Variants in TMC4 observed in about 807,000 individuals in gnomAD.
TMC4 encodes voltage-gated chloride channel TMC4.
Under a neutral mutation model 82.0 loss-of-function variants are expected in TMC4, and 70 were observed. The ratio of observed to expected loss-of-function variants is 0.85; its 90% CI spans 0.70 to 1.04. The LOEUF (loss-of-function observed/expected upper bound fraction) is 1.04. TMC4 is among the 50% of genes least tolerant of loss of function. The pLI is 0.00. For synonymous variants in TMC4, 446 were observed against 406.0 expected (o/e 1.10, Z -1.18); for missense variants, 879 against 899.0 (o/e 0.98, Z 0.28).
chr19:54,172,426 C>CCCCTCCTCCCTCA (rs2075925085), intron 1 of TMC4, among the ~76,000 whole-genome samples: 1 of 76,422 alleles, frequency 1.3e-5, no homozygotes. Context: ...AGGCCCCCGG[C>CCCCTCCTCCCTCA]GCCTCCTCCC....
intron 2 of TMC4, among the ~76,000 whole-genome samples, chr19:54,170,915 A>G (rs116203293): frequency 6.6e-6 from 1 of 151,984 alleles, no homozygotes; most frequent in Non-Finnish European, 1.5e-5. Context: ...TACTTTGATT[A>G]TTACTTTTAA....
Position 54,160,374 on chromosome 19 carries a change from C to T in TMC4, c.2053G>A (p.Glu685Lys). Reference sequence around the variant, plus strand: ...GCCAGGAAGACTTTATTCTGCGCCTCCTGGGGCAAAGAGAGGTGGAGGTGA... The same window carrying T: ...GCCAGGAAGACTTTATTCTGCGCCTTCTGGGGCAAAGAGAGGTGGAGGTGA... Reference protein sequence around the residue: ...ISELKRQRETEAQNKVFLARR... With the variant: ...ISELKRQRETKAQNKVFLARR... Residue 685 changes from glutamate to lysine, a missense_variant and splice_region_variant, in exon 15 of 15, where the codon GAG (glutamate) becomes AAG (lysine). By Grantham distance (56) the Glu-to-Lys change is moderately conservative. Coordinates refer to ENST00000619895, the MANE Select transcript of TMC4 (RefSeq NM_144686.4). The T allele has an allele frequency of 6.5e-7, 1 of 1,543,908 alleles. No individual in the cohort carries two copies. Among genetic ancestry groups the T allele is most frequent in the Middle Eastern group, 1.8e-4 (1 of 5,616 alleles).
intron 5 of TMC4, among the ~76,000 whole-genome samples, chr19:54,166,809 C>T (rs540525091): frequency 5.9e-5 from 9 of 152,196 alleles, no homozygotes; most frequent in East Asian, 5.8e-4. Flanking sequence ...CAAAATTAGC[C>T]GGGCATGGTG....
At position 54,160,992 on chromosome 19, in the gene TMC4, G is replaced by A. The variant is rs763904005; in HGVS notation, c.1859C>T (p.Ser620Leu). ...SKLCGPFRGQ[S>L]SIWAQIPESI... ...CTCAGGGATCTGGGCCCAGATGGAC[G>A]ACTGCCCCCGGAATGGACCACACAG... The change falls in exon 13 of 15, where the codon TCG becomes TTG. Residue 620 changes from serine to leucine, a missense_variant. Coordinates refer to ENST00000619895, the MANE Select transcript of TMC4 (RefSeq NM_144686.4). 13 of 1,614,168 alleles carry A rather than the reference G, an allele frequency of 8.1e-6. No individual in the cohort carries two copies. Among genetic ancestry groups the A allele is most frequent in the South Asian group, 1.1e-5 (1 of 91,076 alleles).
intron 5 of TMC4, 32 bp downstream of exon 5, chr19:54,168,139 C>T (rs2075749036): frequency 3.2e-6 from 5 of 1,586,058 alleles, no homozygotes; most frequent in East Asian, 4.6e-5. Context: ...CAACCCGTCC[C>T]GTCAGGGGTC....
chr19:54,162,126 G>A lies in TMC4; in HGVS notation c.1662C>T (p.Phe554=), dbSNP rs1410735774. ...PLLPLLNTVK[F]LLLFYLKKLT... ...CCTTCTTCAGGTAGAAAAGCAGCAG[G>A]AACTTGACCGTGTTAAGCAGGGGCA... The change falls in exon 11 of 15, where the codon TTC becomes TTT. Residue 554 remains phenylalanine (F), a synonymous_variant. Transcript: ENST00000619895. The A allele has an allele frequency of 6.2e-7, 1 of 1,613,336 alleles. No homozygotes were observed. Among genetic ancestry groups the A allele is most frequent in the Admixed American group, 1.7e-5 (1 of 59,872 alleles).
intron 2 of TMC4, among the ~76,000 whole-genome samples, chr19:54,171,083 G>T (rs570495609): frequency 5.5e-5 from 2 of 36,382 alleles, no homozygotes; most frequent in African/African-American, 2.5e-4. Flanking sequence ...ATATATATGT[G>T]TATATATATA....
At chr19:54,162,957 C>A in intron 9 of TMC4, 76 bp downstream of exon 9, 1 of 1,608,380 alleles carries the variant, frequency 6.2e-7, no homozygotes, top group Non-Finnish European at 8.5e-7. Flanking sequence ...CCGCCCAAAC[C>A]AAGAGTCTGG....
At position 54,168,616 on chromosome 19, in the gene TMC4, C is replaced by T. The variant is rs139063746; in HGVS notation, c.507G>A (p.Val169=). 10,805 of 1,595,748 alleles carry T rather than the reference C, an allele frequency of 6.8e-3. 49 individuals carry two copies. The highest frequency in any genetic ancestry group is 7.3e-3 in the Non-Finnish European group (8,527 of 1,171,482). ...TGCAGGCCATGAGCACAGAGGCCAG[C>T]ACGTTAAGAAGGAGCAGGAAGCGCA... ...SLLRFLLLLN[V]LASVLMACMT... is the part of the protein sequence containing the mutation. The change falls in exon 4 of 15, where the codon GTG becomes GTA. Residue 169 remains valine, a synonymous_variant. Coordinates refer to ENST00000619895, the MANE Select transcript of TMC4 (RefSeq NM_144686.4).
Position 54,165,448 on chromosome 19 carries a change from G to A in TMC4, c.916C>T (p.Arg306Cys), listed in dbSNP as rs1384888041. Residue 306 changes from arginine to cysteine, a missense_variant, in exon 6 of 15, where the codon CGC (arginine) becomes TGC (cysteine). Physicochemically the swap from Arg to Cys is radical, Grantham distance 180. Coordinates refer to ENST00000619895, the MANE Select transcript of TMC4 (RefSeq NM_144686.4). ...GLCGDVHVRL[R>C]QRIILYELKV... is the part of the protein sequence containing the mutation. The stretch of plus-strand genomic sequence containing the variant: ...AATTCGTACAAGATGATGCGCTGGC[G>A]CAGCCGCACGTGGACGTCCCCGCAG... The A allele has an allele frequency of 3.1e-6, 5 of 1,609,556 alleles. No individual in the cohort carries two copies. The highest frequency in any genetic ancestry group is 3.3e-5 in the Admixed American group (2 of 59,904).
In TMC4 at chr19:54,162,219, G is replaced by A; in HGVS notation, c.1569C>T (p.Pro523=). ...CGTAGATGAGCCCCAGCACCTCGTCGGGCACCTGGAACTCTTGGGTCCCCG... is the reference window on the plus strand; with the variant it reads ...CGTAGATGAGCCCCAGCACCTCGTCAGGCACCTGGAACTCTTGGGTCCCCG... The part of the protein sequence containing the change: ...RLAGTQEFQV[P]DEVLGLIYAQ... Residue 523 remains proline, a synonymous_variant, in exon 11 of 15, where the codon CCC becomes CCT. Transcript: ENST00000619895. 6.2e-7 allele frequency: 1 copy of A among 1,612,690 alleles called. No individual in the cohort carries two copies. The highest frequency in any genetic ancestry group is 1.1e-5 in the South Asian group (1 of 90,820).
chr19:54,172,900 C>T, intron 1 of TMC4, 139 bp downstream of exon 1: 1 of 741,890 alleles, frequency 1.3e-6, no homozygotes, highest in Non-Finnish European at 2.2e-6. Context: ...GTTCCCTTCT[C>T]CCCCATAATA....
At chr19:54,160,603 T>C in intron 13 of TMC4, 58 bp from the exon 14 acceptor site, 1 of 1,610,620 alleles carries the variant, frequency 6.2e-7, no homozygotes, top group Non-Finnish European at 8.5e-7. Flanking sequence ...TATCCAAACG[T>C]CTGGCTCCTT....
chr19:54,164,380 T>C lies in TMC4; in HGVS notation c.1113+54A>G, dbSNP rs1297773260. 4 of 1,552,536 alleles carry C rather than the reference T, an allele frequency of 2.6e-6. No individual in the cohort carries two copies. The African/African-American group carries it at 5.5e-5, about 21-fold the overall frequency. ...AAACTTCCGTCCCCTCCCTCCACCGTTGGAAATGTAGGTTCCAGGACCCCC... is the reference window on the plus strand; with the variant it reads ...AAACTTCCGTCCCCTCCCTCCACCGCTGGAAATGTAGGTTCCAGGACCCCC... On this transcript the variant is annotated intron_variant, in intron 7 of 14. Transcript: ENST00000619895.
rs555232816 is a variant in TMC4 at position 54,169,010 on chromosome 19, ATTTTTTTTTT to A, written c.443-340_443-331del. On this transcript the variant is annotated intron_variant, in intron 3 of 14. Transcript: ENST00000619895. Reference sequence around the variant, plus strand: ...TCTCTCTCTCTATATATATATATATATTTTTTTTTTTTTCTTTTCTTTTCTTTTCTTTTTT... The same window carrying A: ...TCTCTCTCTCTATATATATATATATATTTCTTTTCTTTTCTTTTCTTTTTT... Among the ~76,000 whole-genome samples, 34 of 6,984 alleles carry A rather than the reference ATTTTTTTTTT, an allele frequency of 4.9e-3. 4 individuals are homozygous for A. Among genetic ancestry groups the A allele is most frequent in the African/African-American group, 0.025 (22 of 880 alleles). 4.6% of individuals were successfully genotyped at this position (6,984 alleles called of 152,430 possible).
intron 9 of TMC4, 90 bp downstream of exon 9, chr19:54,162,943 C>T: frequency 6.2e-7 from 1 of 1,601,214 alleles, no homozygotes. Flanking sequence ...CCAAGCTCCC[C>T]TCTCCGCCCA....
chr19:54,163,895 C>T lies in TMC4; in HGVS notation c.1114-8G>A, dbSNP rs577802032. 3.7e-6 allele frequency: 6 copies of T among 1,613,622 alleles called. No homozygotes were observed. The highest frequency in any genetic ancestry group is 4.5e-5 in the East Asian group (2 of 44,854). On this transcript the variant is annotated splice_region_variant and splice_polypyrimidine_tract_variant and intron_variant, in intron 7 of 14. Coordinates refer to ENST00000619895, the MANE Select transcript of TMC4 (RefSeq NM_144686.4). ...CTGGACAAGGGGCATCTCCTGGGAG[C>T]GGGATGGACCATGAGTAGAGGCTTG...
At position 54,172,064 on chromosome 19, in the gene TMC4, C is replaced by T. The variant is rs2075908566; in HGVS notation, c.99G>A (p.Val33=). ...EARGGPSLSS[V]LNELPSAATL... ...TGGCAGCACTGGGCAGCTCGTTCAG[C>T]ACAGAAGACAGCGATGGGCCTGGGG... Residue 33 remains valine, a synonymous_variant, in exon 2 of 15, where the codon GTG becomes GTA. Transcript: ENST00000619895. 1.2e-6 allele frequency: 2 copies of T among 1,605,552 alleles called. No individual in the cohort carries two copies. The highest frequency in any genetic ancestry group is 1.7e-6 in the Non-Finnish European group (2 of 1,175,226).
In TMC4 at chr19:54,160,913, G is replaced by C. The variant is rs1568718752; in HGVS notation, c.1938C>G (p.Thr646=). Reference sequence around the variant, plus strand: ...GCAGAAGGGGCACAGCAAAAGCCTGGGTCCCCAGGAAGAAGAGGAAATTCT... The same window carrying C: ...GCAGAAGGGGCACAGCAAAAGCCTGCGTCCCCAGGAAGAAGAGGAAATTCT... ...TTQNFLFFLG[T]QAFAVPLLLI... is the part of the protein sequence containing the mutation. The change falls in exon 13 of 15, where the codon ACC becomes ACG. Residue 646 remains threonine (T), a synonymous_variant. Coordinates refer to ENST00000619895, the MANE Select transcript of TMC4 (RefSeq NM_144686.4). The C allele has an allele frequency of 3.7e-6, 6 of 1,614,140 alleles. No individual in the cohort carries two copies. Among genetic ancestry groups the C allele is most frequent in the Non-Finnish European group, 5.1e-6 (6 of 1,180,034 alleles).
Sources: gnomAD v4.1 joint callset for allele counts (sites outside exome capture counted in the v4.1 genomes callset) on GRCh38, gnomAD v4.1.1 for gene constraint, MANE v1.5 for transcripts, NCBI Gene and HGNC (gene_info 2026-07-23, HGNC 2026-07-21) for gene names.